The following FOXP1 variants were observed in gnomAD, a reference collection of about 807,000 sequenced individuals.
FOXP1 encodes the protein forkhead box protein P1.
In FOXP1, 15 loss-of-function variants were observed where a neutral mutation model predicts 98.2. That is an observed-to-expected ratio of 0.15 (90% CI 0.10 to 0.24). The LOEUF (loss-of-function observed/expected upper bound fraction) is 0.24, where lower values mean the gene tolerates loss of function less well. FOXP1 is among the 10% of genes least tolerant of loss of function. The pLI is 1.00. For synonymous variants in FOXP1, 371 were observed against 314.5 expected, an observed-to-expected ratio of 1.18 and a Z score of -1.90; for missense variants, 633 against 848.5, an observed-to-expected ratio of 0.75 and a Z score of 3.15.
chr3:70,978,176 G>A (rs749020273), intron 14 of FOXP1, 147 bp from the exon 15 acceptor site: 61 of 705,868 alleles, frequency 8.6e-5, no homozygotes, highest in African/African-American at 4.0e-4. Context: ...CGAAACACAC[G>A]GTGAGTCCTG....
At chr3:71,064,094 T>C (rs902423411) in intron 7 of FOXP1, among the ~76,000 whole-genome samples, 5 of 152,176 alleles carry the variant, frequency 3.3e-5, no homozygotes, top group South Asian at 4.1e-4. Flanking sequence ...CACTACTTAA[T>C]TAACCAGCCA....
At chr3:71,092,013 C>T (rs1233651228) in intron 7 of FOXP1, among the ~76,000 whole-genome samples, 1 of 151,966 alleles carries the variant, frequency 6.6e-6, no homozygotes, top group African/African-American at 2.4e-5. Context: ...CATGGTGAAA[C>T]CCCGTCTCTA....
intron 2 of FOXP1, among the ~76,000 whole-genome samples, chr3:71,541,196 C>T (rs830604): frequency 0.66 from 99,967 of 152,184 alleles, 34,633 homozygotes; most frequent in African/African-American, 0.79. Context: ...CAACTTTCAT[C>T]GCACACCTAT....
At chr3:71,291,189 C>T (rs1389448269) in intron 5 of FOXP1, among the ~76,000 whole-genome samples, 1 of 152,052 alleles carries the variant, frequency 6.6e-6, no homozygotes, top group African/African-American at 2.4e-5. Flanking sequence ...CTGTGCTGTC[C>T]ACTGCTATAT....
At position 71,479,709 on chromosome 3, in the gene FOXP1, G is replaced by A. The variant is rs868613840; in HGVS notation, c.-168+13717C>T. On this transcript the variant is annotated intron_variant, in intron 3 of 20. Coordinates refer to ENST00000649528, the MANE Select transcript of FOXP1 (RefSeq NM_001349338.3). ...AAAAAAAAAAGAAAAGAAAAGAAAA[G>A]AAAAAAAAAGATAAAGCAAAAGACC... Among the ~76,000 whole-genome samples the A allele has an allele frequency of 4.1e-3, 605 of 145,866 alleles. 5 individuals are homozygous for A. Among genetic ancestry groups the A allele is most frequent in the African/African-American group, 0.014 (565 of 39,614 alleles).
chr3:71,447,049 T>C (rs2086514867), intron 3 of FOXP1, among the ~76,000 whole-genome samples: 1 of 152,254 alleles, frequency 6.6e-6, no homozygotes, highest in African/African-American at 2.4e-5. Flanking sequence ...AATGGGCACT[T>C]GACCCCAGCA....
At chr3:71,288,916 T>C (rs912849501) in intron 5 of FOXP1, among the ~76,000 whole-genome samples, 5 of 152,250 alleles carry the variant, frequency 3.3e-5, no homozygotes, top group Non-Finnish European at 7.3e-5. Flanking sequence ...TAACTCTTAC[T>C]AAGGTCATCA....
intron 6 of FOXP1, among the ~76,000 whole-genome samples, chr3:71,126,316 C>T (rs2059170420): frequency 7.3e-6 from 1 of 137,136 alleles, no homozygotes; most frequent in Admixed American, 7.3e-5. Context: ...AACCCCGTCT[C>T]TATTAAAAAT....
At chr3:71,280,450 A>G (rs1324587384) in intron 5 of FOXP1, among the ~76,000 whole-genome samples, 1 of 151,636 alleles carries the variant, frequency 6.6e-6, no homozygotes, top group African/African-American at 2.4e-5. Flanking sequence ...CTTCTTGAAT[A>G]GCTGGGATTA....
At chr3:71,204,519 A>G (rs1304132870) in intron 5 of FOXP1, among the ~76,000 whole-genome samples, 1 of 152,226 alleles carries the variant, frequency 6.6e-6, no homozygotes, top group African/African-American at 2.4e-5. Flanking sequence ...CTCTCAGTAG[A>G]GGACTGCAAC....
chr3:71,349,117 A>C (rs1177875820), intron 4 of FOXP1, among the ~76,000 whole-genome samples: 2 of 152,252 alleles, frequency 1.3e-5, no homozygotes, highest in Admixed American at 6.5e-5. Flanking sequence ...ATTATGCTTA[A>C]ATAAAAATGC....
At chr3:71,108,687 C>T (rs2107717033) in intron 7 of FOXP1, among the ~76,000 whole-genome samples, 1 of 152,262 alleles carries the variant, frequency 6.6e-6, no homozygotes, top group East Asian at 1.9e-4. Flanking sequence ...ATCGCTTGAA[C>T]CTGGAAGACG....
intron 5 of FOXP1, among the ~76,000 whole-genome samples, chr3:71,247,945 A>G (rs1247923618): frequency 6.6e-6 from 1 of 152,158 alleles, no homozygotes; most frequent in Non-Finnish European, 1.5e-5. Context: ...GGCTTGCTAA[A>G]CTTTTAAATG....
At chr3:71,071,939 C>T (rs1392337656) in intron 7 of FOXP1, among the ~76,000 whole-genome samples, 2 of 152,284 alleles carry the variant, frequency 1.3e-5, no homozygotes, top group Non-Finnish European at 1.5e-5. Flanking sequence ...GGTATCCTTA[C>T]ACCTATCATG....
At chr3:71,394,703 T>C (rs1243228510) in intron 3 of FOXP1, among the ~76,000 whole-genome samples, 2 of 152,184 alleles carry the variant, frequency 1.3e-5, no homozygotes, top group East Asian at 3.8e-4. Flanking sequence ...GTCTTACAGA[T>C]GGATGACTCT....
intron 11 of FOXP1, among the ~76,000 whole-genome samples, chr3:71,025,730 C>A (rs766163297): frequency 4.6e-5 from 7 of 152,208 alleles, no homozygotes; most frequent in Admixed American, 6.5e-5. Context: ...CAGCACAGAT[C>A]TGTTGGGTGA....
chr3:71,030,093 TAG>T (rs1398782989), intron 11 of FOXP1, among the ~76,000 whole-genome samples: 1 of 152,196 alleles, frequency 6.6e-6, no homozygotes, highest in Non-Finnish European at 1.5e-5. Context: ...GTAACTTAAG[TAG>T]AGCAGCCTGC....
intron 2 of FOXP1, among the ~76,000 whole-genome samples, chr3:71,563,361 G>C (rs1442188019): frequency 6.6e-6 from 1 of 152,148 alleles, no homozygotes; most frequent in African/African-American, 2.4e-5. Context: ...GACCAAGCTG[G>C]GCAAATTTTA....
chr3:71,519,798 C>T (rs1306335124), intron 2 of FOXP1, among the ~76,000 whole-genome samples: 1 of 152,222 alleles, frequency 6.6e-6, no homozygotes, highest in Non-Finnish European at 1.5e-5. Flanking sequence ...TGCTAAATCT[C>T]TATAAAGGTG....
Sources: gnomAD v4.1 joint callset for allele counts (sites outside exome capture counted in the v4.1 genomes callset) on GRCh38, gnomAD v4.1.1 for gene constraint, MANE v1.5 for transcripts, NCBI Gene and HGNC (gene_info 2026-07-23, HGNC 2026-07-21) for gene names.